Variants in CHERP observed in about 807,000 individuals in gnomAD.
CHERP encodes the protein calcium homeostasis endoplasmic reticulum protein, also known as ERPROT 213-21.
CHERP carries 8 observed loss-of-function variants against 113.8 expected under a neutral mutation model. The observed-to-expected ratio is 0.07, with a 90% CI of 0.04 to 0.13. CHERP has a LOEUF of 0.13. CHERP is among the 10% of genes least tolerant of loss of function. The pLI is 1.00. For synonymous variants in CHERP, 559 were observed against 524.5 expected (o/e 1.07, Z -0.90); for missense variants, 884 against 1,298.2 (o/e 0.68, Z 4.90).
chr19:16,535,632 G>C lies in CHERP; in HGVS notation c.204C>G (p.Ile68Met), dbSNP rs1423387216. 1 of 1,515,670 alleles carries C rather than the reference G, an allele frequency of 6.6e-7. No individual in the cohort carries two copies. The highest frequency in any genetic ancestry group is 8.8e-7 in the Non-Finnish European group (1 of 1,133,450). The allele number at this position is 1,515,670 out of a possible 1,614,324, so 93.9% of individuals were successfully genotyped here. Residue 68 changes from isoleucine to methionine, a missense_variant, in exon 3 of 17, where the codon ATC (isoleucine) becomes ATG (methionine). By Grantham distance (10) the Ile-to-Met change is conservative. Coordinates refer to ENST00000546361, the MANE Select transcript of CHERP (RefSeq NM_006387.6). This position sits in a 1 kb window ranked among gnomAD's most constrained non-coding sequence, Gnocchi z 4.3. The stretch of plus-strand genomic sequence containing the variant: ...CCAGCTCCGGGGTCTGCTGCTTGCA[G>C]ATGACTGGAGGGAGAGGAGGAGGGG... ...CKLALEQQQL[I>M]CKQQTPELEP... is the part of the protein sequence containing the mutation.
Position 16,525,592 on chromosome 19 carries a change from C to T in CHERP, c.1391G>A (p.Gly464Asp). 1 of 1,537,048 alleles carries T rather than the reference C, an allele frequency of 6.5e-7. No homozygotes were observed. Residue 464 changes from glycine to aspartate, a missense_variant, in exon 10 of 17, where the codon GGC becomes GAC. Gly to Asp is a moderately conservative substitution (Grantham distance 94). This residue lies in a region of CHERP where 464 missense variants were observed against 590.1 expected (regional missense o/e 0.79). Transcript: ENST00000546361. This position sits in a 1 kb window ranked among gnomAD's most constrained non-coding sequence, Gnocchi z 6.5. ...PWNNSHEGMW[G>D]EQRGDPGWNG... ...CCAGCCGGGGTCACCGCGCTGCTCG[C>T]CCCACATGCCCTCATGGCTGTTGTT...
chr19:16,535,398 A>T lies in CHERP; in HGVS notation c.384+54T>A. ...TTCATTCTGATGAGCAGACGCAAAA[A>T]CAGAGGCACAGGGGAGCTGCTGGTG... On this transcript the variant is annotated intron_variant, in intron 3 of 16. Transcript: ENST00000546361. This position sits in a 1 kb window ranked among gnomAD's most constrained non-coding sequence, Gnocchi z 4.3. The T allele has an allele frequency of 6.4e-7, 1 of 1,566,000 alleles. No homozygotes were observed. Among genetic ancestry groups the T allele is most frequent in the Non-Finnish European group, 8.7e-7 (1 of 1,155,268 alleles).
In CHERP at chr19:16,519,375, AACC is replaced by A; in HGVS notation, c.2558-26_2558-24del. 1 of 1,606,210 alleles carries A rather than the reference AACC, an allele frequency of 6.2e-7. No individual in the cohort carries two copies. Among genetic ancestry groups the A allele is most frequent in the Non-Finnish European group, 8.5e-7 (1 of 1,177,478 alleles). The stretch of plus-strand genomic sequence containing the variant: ...AGCCTGGAAACAGAGACGCAGTCAC[AACC>A]ACAACAAGGCGGAGGCAGATGGGGG... On this transcript the variant is annotated intron_variant, in intron 16 of 16. Coordinates refer to ENST00000546361, the MANE Select transcript of CHERP (RefSeq NM_006387.6). This position sits in a 1 kb window ranked among gnomAD's most constrained non-coding sequence, Gnocchi z 6.0.
chr19:16,542,260 C>G (rs1038191685), intron 1 of CHERP, 94 bp downstream of exon 1: 1 of 1,218,112 alleles, frequency 8.2e-7, no homozygotes, highest in African/African-American at 1.6e-5. Context: ...CCGAGCCCCG[C>G]CCCCTCCCAG....
In CHERP at chr19:16,520,551, T is replaced by C. The variant is rs907768760; in HGVS notation, c.2202-44A>G. ...TGATCAGGTGCCCCAGTGGATGGGC[T>C]GCACCCAGCCCACCCTGGCCCTCAG... On this transcript the variant is annotated intron_variant, in intron 13 of 16. Transcript: ENST00000546361. The surrounding 1 kb of genome is among the most constrained non-coding windows in gnomAD (Gnocchi z 4.0). 2 of 1,585,528 alleles carry C rather than the reference T, an allele frequency of 1.3e-6. No homozygotes were observed. Among genetic ancestry groups the C allele is most frequent in the African/African-American group, 2.7e-5 (2 of 74,350 alleles).
intron 8 of CHERP, among the ~76,000 whole-genome samples, chr19:16,529,166 G>T (rs1378219020): frequency 6.6e-6 from 1 of 152,132 alleles, no homozygotes; most frequent in Non-Finnish European, 1.5e-5. Context: ...CAAGTAGCTG[G>T]GACGACAGGT....
At chr19:16,529,562 G>A in intron 8 of CHERP, 86 bp downstream of exon 8, 2 of 1,447,878 alleles carry the variant, frequency 1.4e-6, no homozygotes, top group Admixed American at 2.0e-5. Context: ...GAGTCTGAGG[G>A]TGGCAGACTG....
In CHERP at chr19:16,523,109, C is replaced by G. The variant is rs554627456; in HGVS notation, c.1923G>C (p.Leu641=). 3.3e-6 allele frequency: 5 copies of G among 1,536,798 alleles called. No homozygotes were observed. The South Asian group carries it at 4.9e-5, about 15-fold the overall frequency. The change falls in exon 11 of 17, where the codon CTG becomes CTC. Residue 641 remains leucine, a synonymous_variant. Transcript: ENST00000546361. The surrounding 1 kb of genome is among the most constrained non-coding windows in gnomAD (Gnocchi z 4.0). ...PPHINHDDPS[L]VPNVPYFDLP... is the part of the protein sequence containing the mutation. Reference sequence around the variant, plus strand: ...GATCGAAGTAGGGCACATTGGGGACCAGGCTGGGGTCATCGTGGTTGATGT... The same window carrying G: ...GATCGAAGTAGGGCACATTGGGGACGAGGCTGGGGTCATCGTGGTTGATGT...
chr19:16,524,320 C>T (rs186168467), intron 10 of CHERP, among the ~76,000 whole-genome samples: 11 of 152,054 alleles, frequency 7.2e-5, no homozygotes, highest in Admixed American at 4.6e-4. Context: ...TTTGGGAGGC[C>T]GAGGCGGGCG....
At chr19:16,541,017 G>A (rs1299573137) in intron 2 of CHERP, among the ~76,000 whole-genome samples, 1 of 151,886 alleles carries the variant, frequency 6.6e-6, no homozygotes, top group Non-Finnish European at 1.5e-5. Context: ...CTGTTTAATC[G>A]AACACCAACT....
Position 16,520,894 on chromosome 19 carries a change from G to A in CHERP, c.2133C>T (p.Asn711=), listed in dbSNP as rs745757394. ...TTGCTCGGAAGAACTCATAGAGGCC[G>A]TTCTGCTCCCAGCCTTCACTGTAAG... The part of the protein sequence containing the change: ...RPRNSEGWEQ[N]GLYEFFRAKM... Residue 711 remains asparagine (N), a synonymous_variant, in exon 13 of 17, where the codon AAC becomes AAT. Transcript: ENST00000546361. This position sits in a 1 kb window ranked among gnomAD's most constrained non-coding sequence, Gnocchi z 4.0. 65 of 1,613,618 alleles carry A rather than the reference G, an allele frequency of 4.0e-5. No individual in the cohort carries two copies. Among genetic ancestry groups the A allele is most frequent in the Non-Finnish European group, 5.1e-5 (60 of 1,180,020 alleles).
Position 16,520,550 on chromosome 19 carries a change from C to G in CHERP, c.2202-43G>C. The G allele has an allele frequency of 6.3e-7, 1 of 1,585,500 alleles. No homozygotes were observed. Among genetic ancestry groups the G allele is most frequent in the African/African-American group, 1.3e-5 (1 of 74,504 alleles). ...ATGATCAGGTGCCCCAGTGGATGGG[C>G]TGCACCCAGCCCACCCTGGCCCTCA... On this transcript the variant is annotated intron_variant, in intron 13 of 16. Coordinates refer to ENST00000546361, the MANE Select transcript of CHERP (RefSeq NM_006387.6). The surrounding 1 kb of genome is among the most constrained non-coding windows in gnomAD (Gnocchi z 4.0).
rs1388029094 is a variant in CHERP at position 16,519,474 on chromosome 19, C to T, written c.2558-122G>A. ...AAATGGGTAGAGAGAACCCGCAGGC[C>T]GGCCCTGTCTAGAGGGTCTGGGTGG... On this transcript the variant is annotated intron_variant, in intron 16 of 16. Transcript: ENST00000546361. The surrounding 1 kb of genome is among the most constrained non-coding windows in gnomAD (Gnocchi z 6.0). The T allele has an allele frequency of 1.6e-5, 20 of 1,272,888 alleles. No individual in the cohort carries two copies. The highest frequency in any genetic ancestry group is 2.7e-4 in the Middle Eastern group (1 of 3,756). 78.8% of individuals were successfully genotyped at this position (1,272,888 alleles called of 1,614,324 possible).
intron 2 of CHERP, among the ~76,000 whole-genome samples, chr19:16,539,369 G>C (rs897750527): frequency 4.0e-5 from 6 of 151,778 alleles, no homozygotes; most frequent in African/African-American, 9.7e-5. Context: ...GGATGGTCTC[G>C]ATCTCCTGAC....
At chr19:16,521,001 C>T in intron 12 of CHERP, 89 bp from the exon 13 acceptor site, 1 of 1,136,850 alleles carries the variant, frequency 8.8e-7, no homozygotes, top group Non-Finnish European at 1.3e-6. Flanking sequence ...TCCACAGAAC[C>T]TTGGAGAGTA....
chr19:16,533,396 C>G (rs1375037262), intron 3 of CHERP, among the ~76,000 whole-genome samples: 2 of 152,202 alleles, frequency 1.3e-5, no homozygotes, highest in African/African-American at 4.8e-5. Flanking sequence ...GAGACAACAC[C>G]TGCCCTCCAG....
At position 16,535,301 on chromosome 19, in the gene CHERP, G is replaced by A. The variant is rs2085733518; in HGVS notation, c.384+151C>T. ...AGCCTCTGTGTCTGGCATCAGGGCT[G>A]GGGGTGACAGTGGCTGACATGCACC... On this transcript the variant is annotated intron_variant, in intron 3 of 16. Transcript: ENST00000546361. The surrounding 1 kb of genome is among the most constrained non-coding windows in gnomAD (Gnocchi z 4.3). The A allele has an allele frequency of 6.5e-6, 5 of 773,140 alleles. No individual in the cohort carries two copies. Among genetic ancestry groups the A allele is most frequent in the East Asian group, 5.4e-5 (2 of 37,144 alleles). The allele number at this position is 773,140 out of a possible 1,614,324, so 47.9% of individuals were successfully genotyped here.
rs1329106825 is a variant in CHERP, at chr19:16,533,121, C to T, written c.412G>A (p.Ala138Thr). 7 of 1,587,072 alleles carry T rather than the reference C, an allele frequency of 4.4e-6. No individual in the cohort carries two copies. The South Asian group carries it at 5.7e-5, about 13-fold the overall frequency. The part of the protein sequence containing the change: ...QEQVTAAVAH[A>T]VEQQMQKLLE... ...AGCTTCTGCATCTGCTGCTCCACCGCGTGGGCCACGGCCGCTGTCACTTGC... is the reference window on the plus strand; with the variant it reads ...AGCTTCTGCATCTGCTGCTCCACCGTGTGGGCCACGGCCGCTGTCACTTGC... The change falls in exon 4 of 17, where the codon GCG (alanine) becomes ACG (threonine). Residue 138 changes from alanine (A) to threonine (T), a missense_variant. By Grantham distance (58) the Ala-to-Thr change is moderately conservative. This residue lies in a region of CHERP where 109 missense variants were observed against 134.2 expected (regional missense o/e 0.81). Transcript: ENST00000546361.
intron 9 of CHERP, among the ~76,000 whole-genome samples, chr19:16,527,735 C>T (rs1346492648): frequency 6.6e-6 from 1 of 152,196 alleles, no homozygotes; most frequent in Non-Finnish European, 1.5e-5. Context: ...GATGACAAAA[C>T]ACTGACACTC....
Sources: allele counts gnomAD v4.1 joint callset (sites outside exome capture counted in the v4.1 genomes callset), GRCh38; gene constraint gnomAD v4.1.1; regional missense constraint gnomAD v4.1.1; non-coding constraint Gnocchi (gnomAD v3.1); transcripts MANE v1.5; gene names NCBI Gene and HGNC (gene_info 2026-07-23, HGNC 2026-07-21).